The following GOLGA4 variants were observed in gnomAD, a reference collection of about 807,000 sequenced individuals.
The protein encoded by GOLGA4 is golgin subfamily A member 4.
A neutral mutation model predicts 265.9 loss-of-function variants in GOLGA4; 169 were observed. That is an observed-to-expected ratio of 0.64 (90% CI 0.56 to 0.72). The LOEUF is 0.72. Ranked by LOEUF, GOLGA4 falls within the 30% of genes least tolerant of loss-of-function variation. The probability of loss-of-function intolerance (pLI) is 0.00; values close to 1 mark genes in which losing one functional copy is unlikely to be tolerated. For synonymous variants in GOLGA4, 923 were observed against 855.8 expected, an observed-to-expected ratio of 1.08 and a Z score of -1.37; for missense variants, 2,482 against 2,483.4, an observed-to-expected ratio of 1.00 and a Z score of 0.01.
At position 37,252,556 on chromosome 3, in the gene GOLGA4, T is replaced by C. The variant is rs1265275893; in HGVS notation, c.162+1072T>C. On this transcript the variant is annotated intron_variant, in intron 2 of 23. Coordinates refer to ENST00000361924, the MANE Select transcript of GOLGA4 (RefSeq NM_002078.5). ...TAATGCTGATGGTTTTCCAGAGTGG[T>C]TGTAGAAATTTAAATTCTCACCAGG... Among the ~76,000 whole-genome samples the C allele has an allele frequency of 3.3e-5, 5 of 152,158 alleles. No homozygotes were observed. In the East Asian group the frequency reaches 9.6e-4, roughly 29 times the overall value.
chr3:37,319,259 C>G lies in GOLGA4; in HGVS notation c.1545+65C>G. 9 of 1,299,244 alleles carry G rather than the reference C, an allele frequency of 6.9e-6. 1 individual carries two copies. The South Asian group carries it at 1.2e-4, about 17-fold the overall frequency. The allele number at this position is 1,299,244 out of a possible 1,614,324, so 80.5% of individuals were successfully genotyped here. ...CTCAGAGTTACAAAGTTATCATCCT[C>G]TCACTGTTGCATTCCAGTTGGAAGT... On this transcript the variant is annotated intron_variant, in intron 12 of 23. Coordinates refer to ENST00000361924, the MANE Select transcript of GOLGA4 (RefSeq NM_002078.5).
At chr3:37,259,968 C>G (rs1578384561) in intron 2 of GOLGA4, among the ~76,000 whole-genome samples, 1 of 152,098 alleles carries the variant, frequency 6.6e-6, no homozygotes, top group African/African-American at 2.4e-5. Flanking sequence ...TTACCACATT[C>G]TGTACTGGAT....
At chr3:37,262,444 A>G (rs560748616) in intron 2 of GOLGA4, among the ~76,000 whole-genome samples, 1 of 152,186 alleles carries the variant, frequency 6.6e-6, no homozygotes, top group East Asian at 1.9e-4. Flanking sequence ...CGGGAGGTGG[A>G]GGTTGCAGTG....
At chr3:37,247,073 A>G (rs1189174503) in intron 1 of GOLGA4, among the ~76,000 whole-genome samples, 1 of 152,208 alleles carries the variant, frequency 6.6e-6, no homozygotes, top group Non-Finnish European at 1.5e-5. Context: ...AAACATTTAG[A>G]TCAGAAGGTA....
intron 21 of GOLGA4, 125 bp downstream of exon 21, chr3:37,347,421 T>C: frequency 1.9e-6 from 1 of 527,760 alleles, no homozygotes; most frequent in Non-Finnish European, 3.4e-6. Flanking sequence ...TAGTAGGTAA[T>C]AGATAATTAT....
intron 2 of GOLGA4, among the ~76,000 whole-genome samples, chr3:37,262,510 A>G (rs1185860013): frequency 6.7e-6 from 1 of 150,004 alleles, no homozygotes; most frequent in Non-Finnish European, 1.5e-5. Context: ...CTCAAAAAAA[A>G]GAAAAAAATC....
chr3:37,365,657 A>G (rs1696693568), intron 23 of GOLGA4, among the ~76,000 whole-genome samples: 1 of 152,194 alleles, frequency 6.6e-6, no homozygotes, highest in Non-Finnish European at 1.5e-5. Context: ...GTAGCATTCG[A>G]TATATGGTAA....
rs1313804023 is a variant in GOLGA4, at chr3:37,324,475, G to A, written c.2589G>A (p.Val863=). The A allele has an allele frequency of 1.2e-6, 2 of 1,614,108 alleles. No homozygotes were observed. The highest frequency in any genetic ancestry group is 1.3e-5 in the African/African-American group (1 of 75,036). Residue 863 remains valine (V), a synonymous_variant, in exon 14 of 24, where the codon GTG becomes GTA. Transcript: ENST00000361924. ...AGTTAGATGCTCACAAAATCCAGGT[G>A]CAGGACTTAATGCAGCAACTTGAAA... ...CTELDAHKIQ[V]QDLMQQLEKQ... is the part of the protein sequence containing the mutation.
intron 2 of GOLGA4, among the ~76,000 whole-genome samples, chr3:37,253,248 C>CAA (rs34065337): frequency 3.6e-5 from 4 of 111,402 alleles, no homozygotes; most frequent in African/African-American, 6.5e-5. Context: ...CCCTGTCTTT[C>CAA]AAAAAAAAAA....
intron 18 of GOLGA4, among the ~76,000 whole-genome samples, chr3:37,337,411 A>G (rs1309063525): frequency 2.0e-5 from 3 of 151,948 alleles, no homozygotes; most frequent in African/African-American, 4.8e-5. Flanking sequence ...GGGTTTTGCC[A>G]TGTTGGCCAG....
At chr3:37,250,099 T>C (rs1578331127) in intron 1 of GOLGA4, 2 of 152,266 alleles carry the variant, frequency 1.3e-5, no homozygotes, top group Non-Finnish European at 2.9e-5. Flanking sequence ...TACGGACTTA[T>C]AAGAGCTGTT....
intron 5 of GOLGA4, among the ~76,000 whole-genome samples, chr3:37,289,590 TTTG>T (rs1168154614): frequency 6.6e-6 from 1 of 152,218 alleles, no homozygotes; most frequent in Non-Finnish European, 1.5e-5. Context: ...CAGGCTTCTT[TTTG>T]TTTTTCCTAA....
At chr3:37,309,568 C>CA (rs1339832413) in intron 10 of GOLGA4, among the ~76,000 whole-genome samples, 1 of 152,074 alleles carries the variant, frequency 6.6e-6, no homozygotes, top group Non-Finnish European at 1.5e-5. Flanking sequence ...AACAAACAAA[C>CA]AACAACAACA....
At chr3:37,309,327 G>A (rs1243925215) in intron 10 of GOLGA4, among the ~76,000 whole-genome samples, 2 of 151,802 alleles carry the variant, frequency 1.3e-5, no homozygotes, top group African/African-American at 4.8e-5. Context: ...AGGCCGAGGC[G>A]GGCGGATTAC....
At chr3:37,316,568 A>G (rs2096938203) in intron 11 of GOLGA4, among the ~76,000 whole-genome samples, 2 of 152,120 alleles carry the variant, frequency 1.3e-5, no homozygotes, top group African/African-American at 2.4e-5. Context: ...CTGCCTGACT[A>G]TATTTTAAGT....
chr3:37,261,865 A>G (rs931834907), intron 2 of GOLGA4, among the ~76,000 whole-genome samples: 8 of 152,160 alleles, frequency 5.3e-5, no homozygotes, highest in African/African-American at 1.9e-4. Context: ...TAACCCCTAT[A>G]TTGCCATAAG....
rs376690539 is a variant in GOLGA4, at chr3:37,284,334, G to A, written c.478-1680G>A. 2.6e-4 allele frequency among the ~76,000 whole-genome samples: 39 copies of A among 151,960 alleles called. 1 individual carries two copies. The South Asian group carries it at 7.1e-3, about 28-fold the overall frequency. On this transcript the variant is annotated intron_variant, in intron 3 of 23. Coordinates refer to ENST00000361924, the MANE Select transcript of GOLGA4 (RefSeq NM_002078.5). ...GGGTGGAGTTCAGTGGCGTGATCTC[G>A]GCTCACTGCAACCTCCGCCTACTGG...
chr3:37,263,815 A>G (rs2096776665), intron 2 of GOLGA4, among the ~76,000 whole-genome samples: 1 of 152,246 alleles, frequency 6.6e-6, no homozygotes, highest in Non-Finnish European at 1.5e-5. Context: ...TGTTGATTCA[A>G]CTGATGGCTT....
chr3:37,289,171 C>A, intron 4 of GOLGA4, 64 bp from the exon 5 acceptor site: 1 of 839,020 alleles, frequency 1.2e-6, no homozygotes, highest in Non-Finnish European at 1.9e-6. Context: ...TTTTGACTTG[C>A]TTTGTATTTA....
Sources: gnomAD v4.1 joint callset for allele counts (sites outside exome capture counted in the v4.1 genomes callset) on GRCh38, gnomAD v4.1.1 for gene constraint, MANE v1.5 for transcripts, NCBI Gene and HGNC (gene_info 2026-07-23, HGNC 2026-07-21) for gene names.